Variants in NCAPD3 observed in about 807,000 individuals in gnomAD.
The protein encoded by NCAPD3 is condensin-2 complex subunit D3.
A neutral mutation model predicts 182.9 loss-of-function variants in NCAPD3; 105 were observed. That is an observed-to-expected ratio of 0.57 (90% CI 0.49 to 0.68). The LOEUF (loss-of-function observed/expected upper bound fraction) is 0.68. Ranked by LOEUF, NCAPD3 falls within the 30% of genes least tolerant of loss-of-function variation. The pLI is 0.00. For synonymous variants in NCAPD3, 815 were observed against 679.9 expected (o/e 1.20, Z -3.09); for missense variants, 1,944 against 1,837.0 (o/e 1.06, Z -1.07).
chr11:134,165,522 C>T (rs888256525), intron 27 of NCAPD3, among the ~76,000 whole-genome samples: 12 of 146,498 alleles, frequency 8.2e-5, no homozygotes, highest in African/African-American at 3.1e-4. Flanking sequence ...GCAGCACACT[C>T]ACTTGTGAGA....
Position 134,150,753 on chromosome 11 carries a change from C to T in NCAPD3, c.*2191G>A, listed in dbSNP as rs1943199357. On this transcript the variant is annotated 3_prime_UTR_variant, in exon 35 of 35. Coordinates refer to ENST00000534548, the MANE Select transcript of NCAPD3 (RefSeq NM_015261.3). ...CATTTTTAAAAGAAAATGGATCCCA[C>T]TGTTCCTCTTTGCCACAGAGAAAGC... The T allele has an allele frequency of 6.6e-6, 1 of 152,072 alleles. No homozygotes were observed. Among genetic ancestry groups the T allele is most frequent in the African/African-American group, 2.4e-5 (1 of 41,402 alleles). The allele number at this position is 152,072 out of a possible 1,614,324, so 9.4% of individuals were successfully genotyped here.
intron 28 of NCAPD3, among the ~76,000 whole-genome samples, chr11:134,161,551 C>T (rs986564123): frequency 6.6e-6 from 1 of 152,234 alleles, no homozygotes; most frequent in East Asian, 1.9e-4. Context: ...ACGTGCTTGG[C>T]ACAGTGGGCC....
intron 13 of NCAPD3, among the ~76,000 whole-genome samples, chr11:134,199,818 T>C (rs11223725): frequency 0.03 from 4,573 of 152,166 alleles, 257 homozygotes; most frequent in East Asian, 0.25. Context: ...AAAAATTATT[T>C]CCCCTCTCCT....
chr11:134,168,052 C>G lies in NCAPD3; in HGVS notation c.3517G>C (p.Asp1173His). ...PDKDLLMEEDDMALANVVMQE... is the reference protein window; with the variant it reads ...PDKDLLMEEDHMALANVVMQE... The stretch of plus-strand genomic sequence containing the variant: ...ATGACTACATTTGCCAAGGCCATGT[C>G]ATCTTCTTCCATAAGGAGGTCTTTG... Residue 1173 changes from aspartate to histidine, a missense_variant, in exon 27 of 35, where the codon GAC becomes CAC. Transcript: ENST00000534548. 2 of 1,614,130 alleles carry G rather than the reference C, an allele frequency of 1.2e-6. No homozygotes were observed. Among genetic ancestry groups the G allele is most frequent in the Non-Finnish European group, 1.7e-6 (2 of 1,179,978 alleles).
intron 15 of NCAPD3, 71 bp downstream of exon 15, chr11:134,193,945 G>A: frequency 6.8e-7 from 1 of 1,471,644 alleles, no homozygotes; most frequent in Non-Finnish European, 9.3e-7. Context: ...TTTAGCAGCA[G>A]GTAATTATTG....
At chr11:134,199,215 C>T (rs1287603361) in intron 13 of NCAPD3, among the ~76,000 whole-genome samples, 1 of 152,170 alleles carries the variant, frequency 6.6e-6, no homozygotes, top group African/African-American at 2.4e-5. Flanking sequence ...ACTATGTTAA[C>T]ACCAAAATAT....
chr11:134,203,622 C>A, intron 11 of NCAPD3, 32 bp downstream of exon 11: 2 of 1,599,824 alleles, frequency 1.3e-6, no homozygotes, highest in South Asian at 1.1e-5. Context: ...AGCACAAGAC[C>A]GGTTTACTGT....
Position 134,181,116 on chromosome 11 carries a change from G to A in NCAPD3, c.2520C>T (p.Leu840=). The change falls in exon 20 of 35, where the codon CTC becomes CTT. Residue 840 remains leucine, a synonymous_variant. Coordinates refer to ENST00000534548, the MANE Select transcript of NCAPD3 (RefSeq NM_015261.3). ...TCEHRLSNIV[L]KENGTGNMDE... is the part of the protein sequence containing the mutation. Reference sequence around the variant, plus strand: ...CCATATTCCCTGTTCCATTCTCCTTGAGAACGATGTTGGAGAGGCGGTGCT... The same window carrying A: ...CCATATTCCCTGTTCCATTCTCCTTAAGAACGATGTTGGAGAGGCGGTGCT... 1.2e-6 allele frequency: 2 copies of A among 1,614,116 alleles called. No individual in the cohort carries two copies. The highest frequency in any genetic ancestry group is 3.3e-4 in the Middle Eastern group (2 of 6,062).
At chr11:134,174,382 C>CAAAAAAAA (rs34533048) in intron 24 of NCAPD3, among the ~76,000 whole-genome samples, 5 of 53,602 alleles carry the variant, frequency 9.3e-5, no homozygotes, top group Admixed American at 2.7e-4. Flanking sequence ...GACCCTGTCT[C>CAAAAAAAA]AAAAAAAAAA....
Position 134,178,690 on chromosome 11 carries a change from T to A in NCAPD3, c.2726A>T (p.Gln909Leu). The A allele has an allele frequency of 1.9e-6, 3 of 1,600,250 alleles. No homozygotes were observed. Among genetic ancestry groups the A allele is most frequent in the Non-Finnish European group, 2.6e-6 (3 of 1,171,790 alleles). ...AGAGGGCATGACAGAACCTCTGACC[T>A]GGGGGGGTGGCTGAGACGCTGGGGC... The part of the protein sequence containing the change: ...SEAPASQPPP[Q>L]VRGSVMPSVI... The change falls in exon 22 of 35, where the codon CAG becomes CTG. Residue 909 changes from glutamine (Q) to leucine (L), a missense_variant. Physicochemically the swap from Gln to Leu is moderately radical, Grantham distance 113 (BLOSUM62 -2). Coordinates refer to ENST00000534548, the MANE Select transcript of NCAPD3 (RefSeq NM_015261.3).
chr11:134,175,281 T>G (rs534496511), intron 24 of NCAPD3, among the ~76,000 whole-genome samples: 2 of 152,312 alleles, frequency 1.3e-5, no homozygotes, highest in African/African-American at 4.8e-5. Context: ...CCTGTCTGAT[T>G]ACACCTTCTC....
chr11:134,168,842 A>G, intron 25 of NCAPD3, 75 bp downstream of exon 25: 1 of 1,532,906 alleles, frequency 6.5e-7, no homozygotes, highest in Admixed American at 1.9e-5. Context: ...CACTACATGC[A>G]AAGAGCCTAA....
intron 1 of NCAPD3, chr11:134,223,546 C>CA (rs1398148691): frequency 1.4e-6 from 1 of 700,076 alleles, no homozygotes; most frequent in Non-Finnish European, 2.6e-6. Context: ...TTAAAACCAT[C>CA]TTAATAGGTA....
intron 32 of NCAPD3, among the ~76,000 whole-genome samples, chr11:134,155,020 A>G (rs1034584280): frequency 1.3e-5 from 2 of 152,140 alleles, no homozygotes; most frequent in Non-Finnish European, 2.9e-5. Flanking sequence ...CCAGGAAATT[A>G]GTCTCCCATC....
chr11:134,167,820 A>G (rs868595873), intron 27 of NCAPD3, among the ~76,000 whole-genome samples, 176 bp downstream of exon 27: 1 of 108,054 alleles, frequency 9.3e-6, no homozygotes, highest in Admixed American at 1.1e-4. Flanking sequence ...TTAGGGGAGC[A>G]GCACACTCAC....
intron 13 of NCAPD3, among the ~76,000 whole-genome samples, chr11:134,200,912 T>C (rs1336449349): frequency 6.6e-6 from 1 of 152,172 alleles, no homozygotes; most frequent in African/African-American, 2.4e-5. Context: ...AATGAAGTAC[T>C]GATAGATGCT....
In NCAPD3 at chr11:134,203,709, A is replaced by G. The variant is rs768130558; in HGVS notation, c.1413T>C (p.Cys471=). Residue 471 remains cysteine, a synonymous_variant, in exon 11 of 35, where the codon TGT becomes TGC. Coordinates refer to ENST00000534548, the MANE Select transcript of NCAPD3 (RefSeq NM_015261.3). ...RSKALSSFAH[C]LELTVTSASE... is the part of the protein sequence containing the mutation. ...ACGCACTGGTAACAGTCAACTCCAGACAGTGTGCAAAGCTGGACAGTGCCT... is the reference window on the plus strand; with the variant it reads ...ACGCACTGGTAACAGTCAACTCCAGGCAGTGTGCAAAGCTGGACAGTGCCT... 5.6e-6 allele frequency: 9 copies of G among 1,614,002 alleles called. No homozygotes were observed. The highest frequency in any genetic ancestry group is 1.6e-4 in the Middle Eastern group (1 of 6,064).
intron 27 of NCAPD3, among the ~76,000 whole-genome samples, chr11:134,167,182 C>G (rs1943856604): frequency 7.8e-6 from 1 of 128,562 alleles, no homozygotes; most frequent in Admixed American, 8.1e-5. Context: ...GGGAGGCGCA[C>G]ACTCGTGAGA....
chr11:134,167,845 T>C, intron 27 of NCAPD3, 151 bp downstream of exon 27: 1 of 729,150 alleles, frequency 1.4e-6, no homozygotes, highest in Non-Finnish European at 2.2e-6. Context: ...GAGATGAGCT[T>C]GGGGGAGCAG....
Sources: gnomAD v4.1 joint callset for allele counts (sites outside exome capture counted in the v4.1 genomes callset) on GRCh38, gnomAD v4.1.1 for gene constraint, MANE v1.5 for transcripts, NCBI Gene and HGNC (gene_info 2026-07-23, HGNC 2026-07-21) for gene names.